The following PVT1 variants were observed in gnomAD, a reference collection of about 807,000 sequenced individuals.
The protein encoded by PVT1 is Pvt1 oncogene.
chr8:128,007,471 G>C (rs1353511088), intron 4 of PVT1, among the ~76,000 whole-genome samples: 1 of 151,788 alleles, frequency 6.6e-6, no homozygotes, highest in East Asian at 1.9e-4. Flanking sequence ...AGATTTATAT[G>C]TACTAATATG....
At chr8:127,955,459 T>TA (rs1246071086) in intron 3 of PVT1, among the ~76,000 whole-genome samples, 1 of 152,206 alleles carries the variant, frequency 6.6e-6, no homozygotes, top group Non-Finnish European at 1.5e-5. Context: ...GGAAATATAT[T>TA]AATTTTCATA....
intron 2 of PVT1, among the ~76,000 whole-genome samples, chr8:127,868,841 T>A (rs1815321588): frequency 4.1e-5 from 1 of 24,378 alleles, no homozygotes; most frequent in African/African-American, 1.5e-4. Context: ...TCTCTTTACT[T>A]TTTAAAAGTT....
In PVT1 at chr8:127,907,438, G is replaced by A. The variant is rs145575550; in HGVS notation, n.782+16440G>A. Among the ~76,000 whole-genome samples the A allele has an allele frequency of 5.5e-3, 841 of 152,300 alleles. 9 individuals are homozygous for A. Among genetic ancestry groups the A allele is most frequent in the Non-Finnish European group, 9.1e-3 (619 of 68,024 alleles). On this transcript the variant is annotated intron_variant and non_coding_transcript_variant, in intron 3 of 10. Transcript: ENST00000651587. The stretch of plus-strand genomic sequence containing the variant: ...TCTTTATGCCTGATGGAACTGACAC[G>A]GGCCTGCTATGTTTACAGTGCCTGT...
In PVT1 at chr8:127,883,543, G is replaced by T. The variant is rs575004327; in HGVS notation, n.373-7046G>T. On this transcript the variant is annotated intron_variant and non_coding_transcript_variant, in intron 2 of 10. Coordinates refer to ENST00000651587, the Ensembl canonical transcript of PVT1. ...GTTAAATGACGAGTTAATGGGTGTA[G>T]CACACAAGCATGGCACATGTATACA... Among the ~76,000 whole-genome samples the T allele has an allele frequency of 3.3e-5, 5 of 152,000 alleles. No individual in the cohort carries two copies. The South Asian group carries it at 1.0e-3, about 31-fold the overall frequency.
intron 2 of PVT1, among the ~76,000 whole-genome samples, chr8:127,831,167 A>G (rs1814847167): frequency 6.6e-6 from 1 of 151,266 alleles, no homozygotes; most frequent in Admixed American, 6.6e-5. Flanking sequence ...ATATATATAT[A>G]TATCTCCTAT....
chr8:127,850,516 G>T (rs1815096280), intron 2 of PVT1, among the ~76,000 whole-genome samples: 1 of 149,302 alleles, frequency 6.7e-6, no homozygotes, highest in African/African-American at 2.5e-5. Context: ...GAGCACTGTG[G>T]TTTGTATAGT....
chr8:128,071,721 A>AAT (rs139320168), intron 5 of PVT1, among the ~76,000 whole-genome samples: 1 of 147,450 alleles, frequency 6.8e-6, no homozygotes, highest in Non-Finnish European at 1.5e-5. Flanking sequence ...TAAATAAATA[A>AAT]AAATAAAAGA....
chr8:128,087,605 C>T (rs1814274632), intron 5 of PVT1, among the ~76,000 whole-genome samples: 1 of 152,146 alleles, frequency 6.6e-6, no homozygotes, highest in Admixed American at 6.5e-5. Context: ...ACTAAGGGCC[C>T]ACATCGTTTT....
chr8:128,028,083 C>T (rs765622318), intron 4 of PVT1, among the ~76,000 whole-genome samples: 7 of 152,250 alleles, frequency 4.6e-5, no homozygotes, highest in Non-Finnish European at 1.0e-4. Flanking sequence ...CCAGCCCACA[C>T]GGCCTCCTTT....
intron 3 of PVT1, among the ~76,000 whole-genome samples, chr8:127,971,341 C>G (rs1313493825): frequency 6.6e-6 from 1 of 152,232 alleles, no homozygotes; most frequent in Admixed American, 6.5e-5. Context: ...CTGCCTCCAT[C>G]CCCTGCTGGG....
Position 128,089,549 on chromosome 8 carries a change from C to T in PVT1, n.1115-6969C>T, listed in dbSNP as rs116364243. Among the ~76,000 whole-genome samples, 1,097 of 152,214 alleles carry T rather than the reference C, an allele frequency of 7.2e-3. 19 individuals carry two copies. Among genetic ancestry groups the T allele is most frequent in the African/African-American group, 0.026 (1,068 of 41,534 alleles). On this transcript the variant is annotated intron_variant and non_coding_transcript_variant, in intron 5 of 10. Coordinates refer to ENST00000651587, the Ensembl canonical transcript of PVT1. ...TTTCAGCATATGAATTTTGGGAGGA[C>T]ACAAATGTTCAGTCTATAACTGGGA...
At chr8:128,084,742 T>C (rs1474254867) in intron 5 of PVT1, among the ~76,000 whole-genome samples, 1 of 152,202 alleles carries the variant, frequency 6.6e-6, no homozygotes, top group African/African-American at 2.4e-5. Context: ...TGAAACCACT[T>C]CCCAGAAAGC....
chr8:127,883,128 A>T (rs957429901), intron 2 of PVT1, among the ~76,000 whole-genome samples: 3 of 152,036 alleles, frequency 2.0e-5, no homozygotes, highest in Middle Eastern at 3.4e-3. Flanking sequence ...AGAGAGAGAG[A>T]GAGGAAGGCA....
At chr8:127,892,694 G>A (rs1391661483) in intron 3 of PVT1, among the ~76,000 whole-genome samples, 1 of 152,150 alleles carries the variant, frequency 6.6e-6, no homozygotes, top group African/African-American at 2.4e-5. Context: ...GGAAGGGTGT[G>A]TGTGACGGTG....
At position 127,906,733 on chromosome 8, in the gene PVT1, A is replaced by C. The variant is rs182926049; in HGVS notation, n.782+15735A>C. ...GTTAAGGTCTTGTGCATAATGGTTG[A>C]GGTGTCAATGTGCAGGCGTTAATGT... is the stretch of plus-strand genomic sequence containing the variant. On this transcript the variant is annotated intron_variant and non_coding_transcript_variant, in intron 3 of 10. Transcript: ENST00000651587. Among the ~76,000 whole-genome samples, 23 of 152,222 alleles carry C rather than the reference A, an allele frequency of 1.5e-4. No individual in the cohort carries two copies. The East Asian group carries it at 4.5e-3, about 29-fold the overall frequency.
chr8:127,935,443 G>GTA (rs908581000), intron 3 of PVT1, among the ~76,000 whole-genome samples: 3 of 151,938 alleles, frequency 2.0e-5, no homozygotes, highest in Non-Finnish European at 4.4e-5. Context: ...GTGTGTGTGT[G>GTA]TGTGTCTTTT....
intron 5 of PVT1, among the ~76,000 whole-genome samples, chr8:128,076,279 T>C (rs944717819): frequency 2.0e-5 from 3 of 152,156 alleles, no homozygotes; most frequent in African/African-American, 7.2e-5. Context: ...GCCTACACAC[T>C]GCCACCAGGA....
intron 2 of PVT1, among the ~76,000 whole-genome samples, chr8:127,796,236 TTTTTG>T (rs547243981): frequency 2.0e-5 from 3 of 151,870 alleles, no homozygotes; most frequent in Non-Finnish European, 4.4e-5. Flanking sequence ...TAGAAGTCCG[TTTTTG>T]TTTTGTTTTG....
At chr8:127,881,466 TTC>T (rs10559675) in intron 2 of PVT1, among the ~76,000 whole-genome samples, 29,877 of 141,990 alleles carry the variant, frequency 0.21, 4,589 homozygotes, top group African/African-American at 0.42. Flanking sequence ...TTATTATTAT[TTC>T]AGATGGAGTT....
Sources: gnomAD v4.1 joint callset for allele counts (sites outside exome capture counted in the v4.1 genomes callset) on GRCh38, gnomAD v4.1.1 for gene constraint, MANE v1.5 for transcripts, NCBI Gene and HGNC (gene_info 2026-07-23, HGNC 2026-07-21) for gene names.